The following WDR24 variants were observed in gnomAD, a reference collection of about 807,000 sequenced individuals.
WDR24 encodes GATOR2 complex protein WDR24.
A neutral mutation model predicts 66.7 loss-of-function variants in WDR24; 32 were observed. The observed-to-expected ratio is 0.48, with a 90% CI of 0.36 to 0.64. The LOEUF is 0.64. WDR24 is among the 30% of genes least tolerant of loss of function. The pLI, the probability that WDR24 is intolerant of heterozygous loss-of-function variation, is 0.00. For synonymous variants in WDR24, 565 were observed against 469.1 expected (o/e 1.20, Z -2.64); for missense variants, 978 against 1,144.1 (o/e 0.85, Z 2.09).
chr16:685,685 C>G lies in WDR24; in HGVS notation c.1672G>C (p.Ala558Pro). The G allele has an allele frequency of 1.9e-6, 3 of 1,613,070 alleles. No homozygotes were observed. Among genetic ancestry groups the G allele is most frequent in the Middle Eastern group, 1.6e-4 (1 of 6,062 alleles). ...TGCCCGGACCCCCACTCACGGTGCGCGTGTTCCGGATCCAGCAGGTACAGC... is the reference window on the plus strand; with the variant it reads ...TGCCCGGACCCCCACTCACGGTGCGGGTGTTCCGGATCCAGCAGGTACAGC... ...DELYLLDPEH[A>P]HPEDPECVLP... is the part of the protein sequence containing the mutation. Residue 558 changes from alanine (A) to proline (P), a missense_variant, in exon 6 of 9, where the codon GCG (alanine) becomes CCG (proline). Coordinates refer to ENST00000293883, the MANE Select transcript of WDR24 (RefSeq NM_032259.4).
chr16:686,357 G>A (rs975878017), intron 3 of WDR24, among the ~76,000 whole-genome samples, 171 bp from the exon 4 acceptor site: 3 of 152,154 alleles, frequency 2.0e-5, no homozygotes, highest in Non-Finnish European at 2.9e-5. Context: ...CAAAAACCCC[G>A]GTCCCCGCCC....
At position 686,870 on chromosome 16, in the gene WDR24, C is replaced by T. The variant is rs142766927; in HGVS notation, c.1206G>A (p.Thr402=). The T allele has an allele frequency of 3.4e-5, 55 of 1,610,066 alleles. No homozygotes were observed. The highest frequency in any genetic ancestry group is 3.2e-4 in the African/African-American group (24 of 74,942). Residue 402 remains threonine (T), a synonymous_variant, in exon 3 of 9, where the codon ACG becomes ACA. Transcript: ENST00000293883. The stretch of plus-strand genomic sequence containing the variant: ...AGCGCATGCCGCCGCCACCTGGCTC[C>T]GTCTCAAAGACACTGAGGGCACTGG... ...LASSALSVFE[T]EPGGGGMRWF... is the part of the protein sequence containing the mutation.
rs768815057 is a variant in WDR24 at position 686,059 on chromosome 16, G to A, written c.1451+9C>T. On this transcript the variant is annotated intron_variant, in intron 4 of 8. Coordinates refer to ENST00000293883, the MANE Select transcript of WDR24 (RefSeq NM_032259.4). The stretch of plus-strand genomic sequence containing the variant: ...CCAGCCCCTGGGGAGAGCTGCCCCC[G>A]GCATCTACCTGTTCATGAGCGGGAG... The A allele has an allele frequency of 4.3e-5, 69 of 1,612,692 alleles. No homozygotes were observed. In the East Asian group the frequency reaches 6.2e-4, roughly 15 times the overall value.
rs754927806 is a variant in WDR24 at position 687,073 on chromosome 16, C to G, written c.1003G>C (p.Val335Leu). 1 of 1,606,826 alleles carries G rather than the reference C, an allele frequency of 6.2e-7. No individual in the cohort carries two copies. The highest frequency in any genetic ancestry group is 1.7e-5 in the Admixed American group (1 of 59,784). Reference sequence around the variant, plus strand: ...AGGCCCTCAGGGTTGGCGCGCTCGACGGGCTGGCTGGCGTCGCGGAACAGG... The same window carrying G: ...AGGCCCTCAGGGTTGGCGCGCTCGAGGGGCTGGCTGGCGTCGCGGAACAGG... Reference protein sequence around the residue: ...QHLFRDASQPVERANPEGLCY... With the variant: ...QHLFRDASQPLERANPEGLCY... Residue 335 changes from valine to leucine, a missense_variant, in exon 3 of 9, where the codon GTC (valine) becomes CTC (leucine). Physicochemically the swap from Val to Leu is conservative, Grantham distance 32. This residue lies in a region of WDR24 where 302 missense variants were observed against 526.6 expected (regional missense o/e 0.57). Coordinates refer to ENST00000293883, the MANE Select transcript of WDR24 (RefSeq NM_032259.4).
Position 689,907 on chromosome 16 carries a change from G to C in WDR24, c.-267C>G, listed in dbSNP as rs13330131. 2,154 of 677,284 alleles carry C rather than the reference G, an allele frequency of 3.2e-3. 35 individuals carry two copies. In the African/African-American group the frequency reaches 0.035, roughly 11 times the overall value. 42.0% of individuals were successfully genotyped at this position (677,284 alleles called of 1,614,324 possible). A position where few individuals can be genotyped will look rare whatever the true frequency, so the allele number is the denominator to read the frequency against. ...GGACTTCCTAGCTTCCCTTAGGCCT[G>C]TCAGTTTCATGTCTGACTTCCACGG... On this transcript the variant is annotated 5_prime_UTR_variant, in exon 1 of 9. Coordinates refer to ENST00000293883, the MANE Select transcript of WDR24 (RefSeq NM_032259.4).
chr16:686,052 T>C lies in WDR24; in HGVS notation c.1451+16A>G. On this transcript the variant is annotated intron_variant, in intron 4 of 8. Transcript: ENST00000293883. Reference sequence around the variant, plus strand: ...AGCAGCCCCAGCCCCTGGGGAGAGCTGCCCCCGGCATCTACCTGTTCATGA... The same window carrying C: ...AGCAGCCCCAGCCCCTGGGGAGAGCCGCCCCCGGCATCTACCTGTTCATGA... 1 of 1,612,792 alleles carries C rather than the reference T, an allele frequency of 6.2e-7. No homozygotes were observed. The highest frequency in any genetic ancestry group is 8.5e-7 in the Non-Finnish European group (1 of 1,179,914).
chr16:687,429 G>C lies in WDR24; in HGVS notation c.660-13C>G. ...GGCCAACCAGCCCCTGTGGGAAGAA[G>C]GTCCACCCAAACCCTCAGTGGCCTT... is the stretch of plus-strand genomic sequence containing the variant. On this transcript the variant is annotated splice_polypyrimidine_tract_variant and intron_variant, in intron 2 of 8. Coordinates refer to ENST00000293883, the MANE Select transcript of WDR24 (RefSeq NM_032259.4). 6.3e-7 allele frequency: 1 copy of C among 1,578,332 alleles called. No homozygotes were observed. Among genetic ancestry groups the C allele is most frequent in the Non-Finnish European group, 8.6e-7 (1 of 1,162,574 alleles).
chr16:685,311 A>G lies in WDR24; in HGVS notation c.1965T>C (p.Ser655=), dbSNP rs2039879691. 4 of 1,604,124 alleles carry G rather than the reference A, an allele frequency of 2.5e-6. No individual in the cohort carries two copies. Among genetic ancestry groups the G allele is most frequent in the Non-Finnish European group, 3.4e-6 (4 of 1,176,674 alleles). The change falls in exon 7 of 9, where the codon TCT becomes TCC. Residue 655 remains serine, a synonymous_variant. Transcript: ENST00000293883. ...CCCGTTCACCCAGGACGATGAGCAC[A>G]GACACAGCCATCTGCACGTCGCCCT... is the stretch of plus-strand genomic sequence containing the variant. ...AEQGDVQMAV[S]VLIVLGERVR... is the part of the protein sequence containing the mutation.
At chr16:688,203 C>A (rs976139167) in intron 1 of WDR24, 2 of 399,168 alleles carry the variant, frequency 5.0e-6, no homozygotes, top group Non-Finnish European at 1.0e-5. Flanking sequence ...TGACTCAGGG[C>A]CCAGGTCCAC....
rs368988189 is a variant in WDR24, at chr16:689,276, G to A, written c.365C>T (p.Thr122Met). Residue 122 changes from threonine (T) to methionine (M), a missense_variant, in exon 1 of 9, where the codon ACG (threonine) becomes ATG (methionine). Physicochemically the swap from Thr to Met is moderately conservative, Grantham distance 81 (BLOSUM62 -1). Transcript: ENST00000293883. ...QDQLFTEHKR[T>M]VNKVCFHPTE... The stretch of plus-strand genomic sequence containing the variant: ...GGGGTGGAAGCAGACTTTGTTTACC[G>A]TGCGCTTGTGTTCTGTGAACAGCTG... 3 of 1,613,874 alleles carry A rather than the reference G, an allele frequency of 1.9e-6. No homozygotes were observed. The highest frequency in any genetic ancestry group is 2.7e-5 in the African/African-American group (2 of 74,936).
At position 685,410 on chromosome 16, in the gene WDR24, C is replaced by A. The variant is rs1181255329; in HGVS notation, c.1866G>T (p.Ala622=). Residue 622 remains alanine (A), a synonymous_variant, in exon 7 of 9, where the codon GCG becomes GCT. Coordinates refer to ENST00000293883, the MANE Select transcript of WDR24 (RefSeq NM_032259.4). ...CGGGCGGCAGGCGGCTGTCGTAGAG[C>A]GCGTGTGAGACAGACAGGAGCGAGA... is the stretch of plus-strand genomic sequence containing the variant. ...SSFSLLSVSH[A]LYDSRLPPDF... 6.2e-7 allele frequency: 1 copy of A among 1,612,532 alleles called. No individual in the cohort carries two copies. Among genetic ancestry groups the A allele is most frequent in the Admixed American group, 1.7e-5 (1 of 60,006 alleles).
chr16:687,072 A>G lies in WDR24; in HGVS notation c.1004T>C (p.Val335Ala). The G allele has an allele frequency of 6.2e-7, 1 of 1,606,848 alleles. No homozygotes were observed. The highest frequency in any genetic ancestry group is 8.5e-7 in the Non-Finnish European group (1 of 1,179,252). Residue 335 changes from valine to alanine, a missense_variant, in exon 3 of 9, where the codon GTC becomes GCC. By Grantham distance (64) the Val-to-Ala change is moderately conservative (BLOSUM62 0). Around this residue, in one of 2 missense-constraint regions of WDR24, gnomAD observed 302 missense variants for 526.6 expected, o/e 0.57. Transcript: ENST00000293883. ...QHLFRDASQP[V>A]ERANPEGLCY... ...GAGGCCCTCAGGGTTGGCGCGCTCG[A>G]CGGGCTGGCTGGCGTCGCGGAACAG...
chr16:687,981 A>G, intron 1 of WDR24: 1 of 669,022 alleles, frequency 1.5e-6, no homozygotes, highest in East Asian at 2.9e-5. Flanking sequence ...CATTTGCCGT[A>G]GATTCTGCAT....
In WDR24 at chr16:686,910, A is replaced by G; in HGVS notation, c.1166T>C (p.Phe389Ser). The change falls in exon 3 of 9, where the codon TTC becomes TCC. Residue 389 changes from phenylalanine to serine, a missense_variant. This residue lies in a region of WDR24 where 676 missense variants were observed against 617.5 expected (regional missense o/e 1.09). Coordinates refer to ENST00000293883, the MANE Select transcript of WDR24 (RefSeq NM_032259.4). ...FKRKLDPAEP[F>S]AGLASSALSV... ...GAGGGCACTGGAGGCGAGGCCTGCG[A>G]AGGGCTCGGCAGGGTCCAGCTTGCG... is the stretch of plus-strand genomic sequence containing the variant. 1 of 1,607,884 alleles carries G rather than the reference A, an allele frequency of 6.2e-7. No homozygotes were observed. The highest frequency in any genetic ancestry group is 8.5e-7 in the Non-Finnish European group (1 of 1,179,250).
chr16:690,140 C>A lies in WDR24; in HGVS notation c.-500G>T. On this transcript the variant is annotated 5_prime_UTR_variant, in exon 1 of 9. Transcript: ENST00000293883. ...AGAGGGCTAGAGGGGCCCGGGGACT[C>A]AGGCGATAGACGCGGGAAGGGCCCA... 2.3e-6 allele frequency: 1 copy of A among 436,422 alleles called. No homozygotes were observed. Among genetic ancestry groups the A allele is most frequent in the Non-Finnish European group, 4.6e-6 (1 of 216,862 alleles). 27.0% of individuals were successfully genotyped at this position (436,422 alleles called of 1,614,324 possible). A position where few individuals can be genotyped will look rare whatever the true frequency, so the allele number is the denominator to read the frequency against.
At position 689,615 on chromosome 16, in the gene WDR24, G is replaced by GT; in HGVS notation, c.25dup (p.Thr9AsnfsTer39). On this transcript the variant is annotated frameshift_variant, in exon 1 of 9. Transcript: ENST00000293883. LOFTEE classifies it high-confidence loss of function. The stretch of plus-strand genomic sequence containing the variant: ...TGTCAGCACGCTGCCACCCAGGGCT[G>GT]TGGTCACACGGGACATCTTCTCCAT... The GT allele has an allele frequency of 6.2e-7, 1 of 1,612,724 alleles. No homozygotes were observed. The highest frequency in any genetic ancestry group is 8.5e-7 in the Non-Finnish European group (1 of 1,179,894).
chr16:685,809 AG>A, intron 5 of WDR24, 26 bp from the exon 6 acceptor site: 2 of 1,613,022 alleles, frequency 1.2e-6, no homozygotes, highest in Non-Finnish European at 1.7e-6. Context: ...GCGGGCATTC[AG>A]GGTCGTCTGG....
rs2039946214 is a variant in WDR24 at position 689,738 on chromosome 16, T to C, written c.-98A>G. 1.3e-6 allele frequency: 2 copies of C among 1,513,364 alleles called. No individual in the cohort carries two copies. Among genetic ancestry groups the C allele is most frequent in the African/African-American group, 1.4e-5 (1 of 73,228 alleles). 93.7% of individuals were successfully genotyped at this position (1,513,364 alleles called of 1,614,324 possible). On this transcript the variant is annotated 5_prime_UTR_variant, in exon 1 of 9. Transcript: ENST00000293883. ...ATCAGTTCAGACCTTCCACCCAGGT[T>C]GGGACCCCAGAACTGCTTGGTCCCG...
chr16:689,688 C>T lies in WDR24; in HGVS notation c.-48G>A. ...GGGGTCAGGAGGTCAGTGAGGTGGG[C>T]TGGCCTGGTCAGCCTGGGTGGGTCA... On this transcript the variant is annotated 5_prime_UTR_variant, in exon 1 of 9. Coordinates refer to ENST00000293883, the MANE Select transcript of WDR24 (RefSeq NM_032259.4). The T allele has an allele frequency of 6.3e-7, 1 of 1,592,482 alleles. No homozygotes were observed.
Sources: gnomAD v4.1 joint callset for allele counts (sites outside exome capture counted in the v4.1 genomes callset) on GRCh38, gnomAD v4.1.1 for gene constraint, gnomAD v4.1.1 regional missense constraint, MANE v1.5 for transcripts, NCBI Gene and HGNC (gene_info 2026-07-23, HGNC 2026-07-21) for gene names.